Variants in EML1 observed in about 807,000 individuals in gnomAD.
The protein encoded by EML1 is EMAP like 1.
Under a neutral mutation model 110.4 loss-of-function variants are expected in EML1, and 27 were observed. The observed-to-expected ratio is 0.24, with a 90% confidence interval of 0.18 to 0.34. The LOEUF is 0.34. Ranked by LOEUF, EML1 falls within the 10% of genes least tolerant of loss-of-function variation. The pLI is 1.00. For synonymous variants in EML1, 344 were observed against 385.8 expected, an observed-to-expected ratio of 0.89 and a Z score of 1.27; for missense variants, 741 against 1,030.9, an observed-to-expected ratio of 0.72 and a Z score of 3.85.
At position 99,784,784 on chromosome 14, in the gene EML1, T is replaced by C. The variant is rs936272612; in HGVS notation, c.-27+10771T>C. The stretch of plus-strand genomic sequence containing the variant: ...CCAGGCTGACAAGGTCTCACCTTCA[T>C]AAGATAAGCTGTAGAACTGCATCCC... On this transcript the variant is annotated intron_variant, in intron 1 of 22. Coordinates refer to the EML1 transcript ENST00000327921. This position sits in a 1 kb window ranked among gnomAD's most constrained non-coding sequence, Gnocchi z 4.5. 3.3e-5 allele frequency among the ~76,000 whole-genome samples: 5 copies of C among 152,206 alleles called. No individual in the cohort carries two copies. The highest frequency in any genetic ancestry group is 7.2e-5 in the African/African-American group (3 of 41,460).
At position 99,878,583 on chromosome 14, in the gene EML1, C is replaced by G. The variant is rs779370794; in HGVS notation, c.482C>G (p.Thr161Ser). 1.2e-6 allele frequency: 2 copies of G among 1,614,012 alleles called. No homozygotes were observed. The highest frequency in any genetic ancestry group is 4.5e-5 in the East Asian group (2 of 44,868). The stretch of plus-strand genomic sequence containing the variant: ...GGAAACCGGAATCGCACAGGCTCCA[C>G]CAGCAGCTCTTCCAGTGGCAAAAAG... ...SRGNRNRTGS[T>S]SSSSSGKKNS... The change falls in exon 4 of 22, where the codon ACC becomes AGC. Residue 161 changes from threonine to serine, a missense_variant. Physicochemically the swap from Thr to Ser is moderately conservative, Grantham distance 58 (BLOSUM62 1). Coordinates refer to ENST00000262233, the MANE Select transcript of EML1 (RefSeq NM_004434.3).
At chr14:99,882,052 T>A (rs58807874) in intron 4 of EML1, among the ~76,000 whole-genome samples, 4,946 of 152,280 alleles carry the variant, frequency 0.032, 280 homozygotes, top group African/African-American at 0.11. Context: ...AGCCACAAAA[T>A]TTTAACAGCA....
intron 1 of EML1, among the ~76,000 whole-genome samples, chr14:99,747,082 G>C (rs1488653137): frequency 1.3e-5 from 2 of 150,706 alleles, no homozygotes; most frequent in East Asian, 3.9e-4. Context: ...CAGCTACTCA[G>C]AAGGCTGAGG....
intron 1 of EML1, among the ~76,000 whole-genome samples, chr14:99,785,274 C>T (rs1446774338): frequency 7.9e-5 from 12 of 152,216 alleles, no homozygotes; most frequent in South Asian, 2.1e-4. Flanking sequence ...AGGCTGGTCT[C>T]GAACTCCTGA....
chr14:99,826,899 G>A (rs2058369925), intron 1 of EML1, among the ~76,000 whole-genome samples: 1 of 152,184 alleles, frequency 6.6e-6, no homozygotes, highest in Non-Finnish European at 1.5e-5. Flanking sequence ...ACTTCATCTT[G>A]ACTAGGGACA....
At chr14:99,926,507 G>C (rs4905918) in intron 17 of EML1, among the ~76,000 whole-genome samples, 2 of 151,654 alleles carry the variant, frequency 1.3e-5, no homozygotes, top group African/African-American at 4.8e-5. Flanking sequence ...CTGGTCTCAA[G>C]CTCCTAGCCT....
intron 3 of EML1, among the ~76,000 whole-genome samples, chr14:99,874,399 A>G (rs142302558): frequency 4.9e-4 from 74 of 152,366 alleles, no homozygotes; most frequent in African/African-American, 1.7e-3. Context: ...AATATACTGC[A>G]TTATTGCACA....
At chr14:99,861,263 C>T (rs1733865788) in intron 2 of EML1, among the ~76,000 whole-genome samples, 1 of 152,150 alleles carries the variant, frequency 6.6e-6, no homozygotes, top group Non-Finnish European at 1.5e-5. Context: ...ATTTAGCGTT[C>T]CAAGTGTGAT....
rs146315430 is a variant in EML1, at chr14:99,821,783, A to G, written c.67+28240A>G. Among the ~76,000 whole-genome samples the G allele has an allele frequency of 4.8e-3, 724 of 152,350 alleles. 7 individuals are homozygous for G. The highest frequency in any genetic ancestry group is 0.017 in the African/African-American group (689 of 41,574). On this transcript the variant is annotated intron_variant, in intron 1 of 21. Coordinates refer to ENST00000262233, the MANE Select transcript of EML1 (RefSeq NM_004434.3). ...CAACACATGATGAAATGGAATAGGAATGGATCTAAAAATCATTGAGATTAG... is the reference window on the plus strand; with the variant it reads ...CAACACATGATGAAATGGAATAGGAGTGGATCTAAAAATCATTGAGATTAG...
chr14:99,863,611 G>A (rs956454245), intron 2 of EML1, among the ~76,000 whole-genome samples: 1 of 152,190 alleles, frequency 6.6e-6, no homozygotes, highest in African/African-American at 2.4e-5. Flanking sequence ...ACAACATGGA[G>A]CCTCTCAGAC....
chr14:99,796,018 C>T (rs922244080), intron 1 of EML1, among the ~76,000 whole-genome samples: 1 of 152,150 alleles, frequency 6.6e-6, no homozygotes, highest in East Asian at 1.9e-4. Flanking sequence ...AGACCCCCCT[C>T]TACAAAAAAT....
intron 17 of EML1, among the ~76,000 whole-genome samples, chr14:99,922,614 T>G (rs889170363): frequency 2.6e-5 from 4 of 152,206 alleles, no homozygotes; most frequent in African/African-American, 9.6e-5. Flanking sequence ...TCGTCAGCCA[T>G]GTGCTAGGGT....
At chr14:99,878,656 A>AT (rs1397899703) in intron 4 of EML1, 37 bp downstream of exon 4, 2 of 1,599,128 alleles carry the variant, frequency 1.3e-6, no homozygotes, top group Non-Finnish European at 8.5e-7. Context: ...TGCTGTTCAG[A>AT]TATGTTAGTA....
chr14:99,788,394 T>C (rs2057623383), intron 1 of EML1, among the ~76,000 whole-genome samples: 1 of 152,208 alleles, frequency 6.6e-6, no homozygotes, highest in Non-Finnish European at 1.5e-5. Flanking sequence ...TCGTTCTTAC[T>C]ATGCTCAGTG....
At chr14:99,926,836 C>G (rs2060242960) in intron 17 of EML1, among the ~76,000 whole-genome samples, 1 of 151,984 alleles carries the variant, frequency 6.6e-6, no homozygotes, top group Admixed American at 6.6e-5. Context: ...CTCTATCCCT[C>G]AAGCTCAAGC....
intron 4 of EML1, among the ~76,000 whole-genome samples, chr14:99,880,447 C>T (rs1246290326): frequency 6.6e-6 from 1 of 152,152 alleles, no homozygotes; most frequent in Non-Finnish European, 1.5e-5. Context: ...GCTGCCTTGA[C>T]CCCAGCACCA....
chr14:99,783,169 G>T (rs1429653843), intron 1 of EML1, among the ~76,000 whole-genome samples: 1 of 123,046 alleles, frequency 8.1e-6, no homozygotes, highest in East Asian at 2.4e-4. Context: ...AGGCCCTGGT[G>T]TGTGATGTTC....
chr14:99,754,450 C>G (rs937786494), intron 1 of EML1, among the ~76,000 whole-genome samples: 13 of 152,152 alleles, frequency 8.5e-5, no homozygotes, highest in African/African-American at 3.1e-4. Context: ...TGGGTGGGGC[C>G]GTGACTCCCA....
chr14:99,806,672 A>G (rs991691983), intron 1 of EML1, among the ~76,000 whole-genome samples: 8 of 152,248 alleles, frequency 5.3e-5, no homozygotes, highest in African/African-American at 1.7e-4. Flanking sequence ...GAGCCAGTAC[A>G]AGACCACTCT....
Sources: allele counts gnomAD v4.1 joint callset (sites outside exome capture counted in the v4.1 genomes callset), GRCh38; gene constraint gnomAD v4.1.1; non-coding constraint Gnocchi (gnomAD v3.1); transcripts MANE v1.5; gene names NCBI Gene and HGNC (gene_info 2026-07-23, HGNC 2026-07-21).